USH2A: variants seen among roughly 807,000 people sequenced by gnomAD.
USH2A encodes the protein Usher syndrome 2A (autosomal recessive, mild).
A neutral mutation model predicts 538.9 loss-of-function variants in USH2A; 443 were observed. The ratio of observed to expected loss-of-function variants is 0.82; its 90% CI spans 0.76 to 0.89. The LOEUF (loss-of-function observed/expected upper bound fraction) is 0.89. USH2A is among the 40% of genes least tolerant of loss of function. The pLI is 0.00. For synonymous variants in USH2A, 2,413 were observed against 2,273.5 expected (o/e 1.06, Z -1.75); for missense variants, 6,633 against 6,324.8 (o/e 1.05, Z -1.65).
intron 21 of USH2A, among the ~76,000 whole-genome samples, chr1:216,164,791 A>G (rs2034134333): frequency 6.6e-6 from 1 of 152,162 alleles, no homozygotes; most frequent in African/African-American, 2.4e-5. Flanking sequence ...TATGTATGCA[A>G]TGGAAAGGCA....
At chr1:216,192,462 C>T (rs1031313379) in intron 19 of USH2A, among the ~76,000 whole-genome samples, 11 of 151,630 alleles carry the variant, frequency 7.3e-5, no homozygotes, top group South Asian at 4.2e-4. Flanking sequence ...GAGACCGAGG[C>T]GGGTGGATCA....
At chr1:215,715,887 C>T (rs12132018) in intron 61 of USH2A, among the ~76,000 whole-genome samples, 3,840 of 152,306 alleles carry the variant, frequency 0.025, 68 homozygotes, top group Non-Finnish European at 0.041. Flanking sequence ...TGGCAATTTT[C>T]TTGCTGAAAT....
chr1:215,980,699 A>C (rs1214137455), intron 35 of USH2A, among the ~76,000 whole-genome samples: 1 of 152,130 alleles, frequency 6.6e-6, no homozygotes. Context: ...AACTTATATT[A>C]ATAGAGTTAT....
intron 3 of USH2A, among the ~76,000 whole-genome samples, chr1:216,386,489 AAAC>A (rs1421465563): frequency 3.6e-3 from 13 of 3,592 alleles, no homozygotes; most frequent in Non-Finnish European, 0.062. Flanking sequence ...CGTCTCAAAA[AAAC>A]AAACAAACAA....
At chr1:215,849,454 C>A (rs1041502538) in intron 44 of USH2A, among the ~76,000 whole-genome samples, 1 of 151,930 alleles carries the variant, frequency 6.6e-6, no homozygotes, top group African/African-American at 2.4e-5. Context: ...TAAAAATGCA[C>A]AATATCAAAG....
rs1469624368 is a variant in USH2A, at chr1:216,292,224, G to A, written c.1791C>T (p.His597=). The A allele has an allele frequency of 6.8e-6, 11 of 1,614,088 alleles. No individual in the cohort carries two copies. The highest frequency in any genetic ancestry group is 9.3e-6 in the Non-Finnish European group (11 of 1,179,976). The stretch of plus-strand genomic sequence containing the variant: ...CACAAACTCCTCCTCCCCCTCTGAA[G>A]TGCTCAAAAGGAAATGGGTCTACAG... ...NISVDPFPFE[H]FRGGGGVCDD... Residue 597 remains histidine (H), a synonymous_variant, in exon 10 of 72, where the codon CAC becomes CAT. Transcript: ENST00000307340.
At chr1:216,031,205 C>T (rs980044747) in intron 32 of USH2A, among the ~76,000 whole-genome samples, 1 of 151,918 alleles carries the variant, frequency 6.6e-6, no homozygotes, top group Non-Finnish European at 1.5e-5. Context: ...GATAGAAAGA[C>T]AAAGACCCTA....
At chr1:216,288,153 C>T (rs2036922582) in intron 11 of USH2A, among the ~76,000 whole-genome samples, 1 of 151,956 alleles carries the variant, frequency 6.6e-6, no homozygotes, top group African/African-American at 2.4e-5. Context: ...GATAGCCATG[C>T]TGAAAACTCA....
Position 216,150,869 on chromosome 1 carries a change from G to A in USH2A, c.4627+24383C>T, listed in dbSNP as rs1334452734. Among the ~76,000 whole-genome samples, 3 of 152,122 alleles carry A rather than the reference G, an allele frequency of 2.0e-5. 1 individual carries two copies. The South Asian group carries it at 6.2e-4, about 32-fold the overall frequency. On this transcript the variant is annotated intron_variant, in intron 21 of 71. Transcript: ENST00000307340. ...CGATGTTCCTTTACTCTTCATCTCC[G>A]AAGTCCAACTACACACATCACTGAA...
intron 3 of USH2A, among the ~76,000 whole-genome samples, chr1:216,395,297 G>A (rs978972329): frequency 5.9e-5 from 9 of 152,036 alleles, no homozygotes; most frequent in Non-Finnish European, 1.2e-4. Flanking sequence ...CATCCTTTAA[G>A]TAACTTAACA....
At chr1:216,071,279 A>G (rs2031548854) in intron 29 of USH2A, among the ~76,000 whole-genome samples, 1 of 152,202 alleles carries the variant, frequency 6.6e-6, no homozygotes, top group Admixed American at 6.5e-5. Context: ...AACAAAGTGA[A>G]CATAAAAGAT....
At chr1:215,969,375 G>A (rs191767688) in intron 36 of USH2A, among the ~76,000 whole-genome samples, 2 of 152,228 alleles carry the variant, frequency 1.3e-5, no homozygotes, top group Admixed American at 6.5e-5. Context: ...GGTTAACGTA[G>A]CTACTGTCTG....
At chr1:216,018,610 A>G (rs1397063423) in intron 32 of USH2A, among the ~76,000 whole-genome samples, 2 of 152,190 alleles carry the variant, frequency 1.3e-5, no homozygotes, top group Non-Finnish European at 2.9e-5. Flanking sequence ...AGAAAAGTAG[A>G]GCACACATTT....
intron 4 of USH2A, among the ~76,000 whole-genome samples, chr1:216,357,526 G>A (rs761872197): frequency 5.9e-5 from 9 of 152,090 alleles, no homozygotes; most frequent in Admixed American, 2.6e-4. Flanking sequence ...GACACACAAC[G>A]TTGAAAACAC....
At chr1:216,049,839 C>A (rs1038595137) in intron 30 of USH2A, among the ~76,000 whole-genome samples, 2 of 152,246 alleles carry the variant, frequency 1.3e-5, no homozygotes, top group Non-Finnish European at 2.9e-5. Flanking sequence ...CCAGCAACGA[C>A]CCAGGCATCT....
chr1:216,002,808 T>G (rs1668295485), intron 32 of USH2A, among the ~76,000 whole-genome samples: 1 of 152,142 alleles, frequency 6.6e-6, no homozygotes, highest in Non-Finnish European at 1.5e-5. Context: ...GATGCTTGCT[T>G]GCGTATGTTT....
At chr1:215,854,944 A>C (rs1664120434) in intron 44 of USH2A, among the ~76,000 whole-genome samples, 1 of 152,188 alleles carries the variant, frequency 6.6e-6, no homozygotes, top group Non-Finnish European at 1.5e-5. Flanking sequence ...CATCCATGCA[A>C]GCTTCCAGCT....
At chr1:215,685,826 T>C (rs1490505606) in intron 61 of USH2A, among the ~76,000 whole-genome samples, 2 of 152,190 alleles carry the variant, frequency 1.3e-5, no homozygotes, top group East Asian at 1.9e-4. Context: ...ACACTTCCTT[T>C]ACCAGTGCCA....
chr1:216,259,305 A>G (rs1218879293), intron 11 of USH2A, among the ~76,000 whole-genome samples: 4 of 151,908 alleles, frequency 2.6e-5, no homozygotes, highest in Admixed American at 1.3e-4. Context: ...AAAGGAAGGG[A>G]AAAAAAGATG....
Sources: gnomAD v4.1 joint callset for allele counts (sites outside exome capture counted in the v4.1 genomes callset) on GRCh38, gnomAD v4.1.1 for gene constraint, MANE v1.5 for transcripts, NCBI Gene and HGNC (gene_info 2026-07-23, HGNC 2026-07-21) for gene names.